Variants in DYNC2H1 observed in about 807,000 individuals in gnomAD.
DYNC2H1 encodes the protein cytoplasmic dynein 2 heavy chain 1.
DYNC2H1 carries 410 observed loss-of-function variants against 570.0 expected under a neutral mutation model. That is an observed-to-expected ratio of 0.72 (90% confidence interval 0.66 to 0.78). The LOEUF is 0.78. Among genes scored for constraint, DYNC2H1 ranks in the 30% least tolerant of loss-of-function variants. The pLI is 0.00. For missense variants in DYNC2H1, 4,865 were observed against 5,046.4 expected, an observed-to-expected ratio of 0.96 and a Z score of 1.09; for synonymous variants, 1,688 against 1,677.6, an observed-to-expected ratio of 1.01 and a Z score of -0.15.
In DYNC2H1 at chr11:103,288,880, CA is replaced by C. The variant is rs546404582; in HGVS notation, c.11095+1291del. Among the ~76,000 whole-genome samples the C allele has an allele frequency of 6.1e-3, 485 of 80,078 alleles. 2 individuals are homozygous for C. Among genetic ancestry groups the C allele is most frequent in the African/African-American group, 0.015 (317 of 21,458 alleles). The allele number at this position is 80,078 out of a possible 152,430, so 52.5% of individuals were successfully genotyped here. On this transcript the variant is annotated intron_variant, in intron 75 of 88. Transcript: ENST00000375735. ...TGGGCAACAGAGCAAGACTCAATCT[CA>C]AAAAAAAAAAAAAAAGAAAGAAAAT...
intron 84 of DYNC2H1, among the ~76,000 whole-genome samples, chr11:103,420,247 C>T (rs376146716): frequency 1.3e-5 from 2 of 152,162 alleles, no homozygotes; most frequent in African/African-American, 4.8e-5. Flanking sequence ...AGAACTTCCC[C>T]AACCTAGCAA....
At chr11:103,370,640 T>C (rs992966158) in intron 83 of DYNC2H1, among the ~76,000 whole-genome samples, 12 of 152,172 alleles carry the variant, frequency 7.9e-5, no homozygotes, top group African/African-American at 2.2e-4. Context: ...GGTCCTTTCA[T>C]TGGGGTGAAA....
chr11:103,183,946 A>G (rs1334508753), intron 40 of DYNC2H1, among the ~76,000 whole-genome samples: 1 of 151,986 alleles, frequency 6.6e-6, no homozygotes, highest in Admixed American at 6.6e-5. Flanking sequence ...CATGTCTGAT[A>G]AATTCTGCAC....
chr11:103,475,893 C>T (rs1001677104), intron 88 of DYNC2H1, among the ~76,000 whole-genome samples: 5 of 152,028 alleles, frequency 3.3e-5, no homozygotes, highest in East Asian at 1.9e-4. Flanking sequence ...GGAATAACAT[C>T]GTAAAACATT....
intron 57 of DYNC2H1, among the ~76,000 whole-genome samples, chr11:103,221,238 C>T (rs1461211992): frequency 1.3e-5 from 2 of 151,936 alleles, no homozygotes; most frequent in Admixed American, 6.6e-5. Context: ...AAGGTATTAA[C>T]AAAATATGAA....
chr11:103,450,808 T>C (rs990311983), intron 85 of DYNC2H1, among the ~76,000 whole-genome samples: 4 of 152,152 alleles, frequency 2.6e-5, no homozygotes, highest in Non-Finnish European at 5.9e-5. Context: ...AGAATTGCAA[T>C]TATATGTGAA....
chr11:103,317,552 T>C (rs1275601781), intron 80 of DYNC2H1, among the ~76,000 whole-genome samples: 1 of 152,206 alleles, frequency 6.6e-6, no homozygotes, highest in Non-Finnish European at 1.5e-5. Context: ...ACTTTAGTTT[T>C]TAGAAATGCA....
At chr11:103,272,925 T>G (rs2135313542) in intron 70 of DYNC2H1, among the ~76,000 whole-genome samples, 1 of 152,258 alleles carries the variant, frequency 6.6e-6, no homozygotes, top group South Asian at 2.1e-4. Context: ...CCCTTGATAT[T>G]AAAATATTTT....
chr11:103,344,306 C>T (rs191200628), intron 82 of DYNC2H1, among the ~76,000 whole-genome samples: 28 of 152,276 alleles, frequency 1.8e-4, no homozygotes, highest in Admixed American at 1.5e-3. Flanking sequence ...TAGACATTTT[C>T]GTATTGTATA....
intron 47 of DYNC2H1, among the ~76,000 whole-genome samples, chr11:103,197,676 G>A (rs999111313): frequency 6.6e-6 from 1 of 152,116 alleles, no homozygotes; most frequent in Non-Finnish European, 1.5e-5. Flanking sequence ...TTGACCTCCT[G>A]AGCTGAAGTA....
intron 59 of DYNC2H1, among the ~76,000 whole-genome samples, chr11:103,227,441 A>G (rs1170285205): frequency 6.6e-6 from 1 of 152,198 alleles, no homozygotes; most frequent in Non-Finnish European, 1.5e-5. Context: ...TTGTTGACCC[A>G]ACAATCATTC....
chr11:103,252,188 A>T lies in DYNC2H1; in HGVS notation c.10043-1097A>T, dbSNP rs1591476564. On this transcript the variant is annotated intron_variant, in intron 65 of 88. Coordinates refer to ENST00000375735, the MANE Select transcript of DYNC2H1 (RefSeq NM_001377.3). The surrounding 1 kb of genome is among the most constrained non-coding windows in gnomAD (Gnocchi z 4.6). ...GGTCTCAAGTGGTACGTCCGTCTCA[A>T]CCTCCCAAAATGATGCGATTACAGG... is the stretch of plus-strand genomic sequence containing the variant. Among the ~76,000 whole-genome samples the T allele has an allele frequency of 6.6e-6, 1 of 151,560 alleles. No homozygotes were observed. Among genetic ancestry groups the T allele is most frequent in the Admixed American group, 6.6e-5 (1 of 15,188 alleles).
In DYNC2H1 at chr11:103,142,705, A is replaced by G. The variant is rs930091092; in HGVS notation, c.2575-563A>G. On this transcript the variant is annotated intron_variant, in intron 17 of 88. Coordinates refer to ENST00000375735, the MANE Select transcript of DYNC2H1 (RefSeq NM_001377.3). ...AAAATGTGTCAGTTTAGAATGTGATATGGTTCTGTTGTGTCAATTTGAATT... is the reference window on the plus strand; with the variant it reads ...AAAATGTGTCAGTTTAGAATGTGATGTGGTTCTGTTGTGTCAATTTGAATT... 5.3e-5 allele frequency among the ~76,000 whole-genome samples: 8 copies of G among 152,152 alleles called. No individual in the cohort carries two copies. The East Asian group carries it at 5.8e-4, about 11-fold the overall frequency.
chr11:103,209,315 A>C lies in DYNC2H1; in HGVS notation c.8455-561A>C, dbSNP rs186570104. ...GTATATTCTAAAGTAGCATTCTTAT[A>C]AGGTTATCTTTACTTTAATAATAAT... On this transcript the variant is annotated intron_variant, in intron 52 of 88. Transcript: ENST00000375735. This position sits in a 1 kb window ranked among gnomAD's most constrained non-coding sequence, Gnocchi z 4.2. Among the ~76,000 whole-genome samples the C allele has an allele frequency of 1.3e-5, 2 of 151,958 alleles. No individual in the cohort carries two copies. Among genetic ancestry groups the C allele is most frequent in the Non-Finnish European group, 2.9e-5 (2 of 67,948 alleles).
intron 22 of DYNC2H1, among the ~76,000 whole-genome samples, chr11:103,153,955 C>G (rs1860689638): frequency 6.6e-6 from 1 of 151,728 alleles, no homozygotes; most frequent in Admixed American, 6.6e-5. Context: ...TAGGTTTGTT[C>G]TATTTAAGTA....
chr11:103,219,803 A>T (rs1286331746), intron 55 of DYNC2H1, 112 bp from the exon 56 acceptor site: 1 of 643,834 alleles, frequency 1.6e-6, no homozygotes, highest in Non-Finnish European at 2.6e-6. Flanking sequence ...CAAAACTAGT[A>T]TTAGGAAACA....
At chr11:103,354,208 T>C (rs547049534) in intron 82 of DYNC2H1, among the ~76,000 whole-genome samples, 67 of 149,344 alleles carry the variant, frequency 4.5e-4, no homozygotes, top group Non-Finnish European at 7.4e-4. Context: ...AAAAATCTCC[T>C]GTTTAGCCTG....
chr11:103,360,323 T>G (rs1177769352), intron 83 of DYNC2H1, among the ~76,000 whole-genome samples: 1 of 152,018 alleles, frequency 6.6e-6, no homozygotes, highest in Non-Finnish European at 1.5e-5. Context: ...ACCGGTGGGG[T>G]TCAAATTTCA....
intron 63 of DYNC2H1, among the ~76,000 whole-genome samples, chr11:103,238,532 G>A (rs558097064): frequency 1.3e-5 from 2 of 151,928 alleles, no homozygotes; most frequent in South Asian, 2.1e-4. Flanking sequence ...TCACACCACC[G>A]CATACTCCAG....
Sources: allele counts gnomAD v4.1 joint callset (sites outside exome capture counted in the v4.1 genomes callset), GRCh38; gene constraint gnomAD v4.1.1; non-coding constraint Gnocchi (gnomAD v3.1); transcripts MANE v1.5; gene names NCBI Gene and HGNC (gene_info 2026-07-23, HGNC 2026-07-21).